The following SRPK2 variants were observed in gnomAD, a reference collection of about 807,000 sequenced individuals.
The protein encoded by SRPK2 is SFRS protein kinase 2.
Under a neutral mutation model 90.8 loss-of-function variants are expected in SRPK2, and 21 were observed. That is an observed-to-expected ratio of 0.23 (90% CI 0.16 to 0.33). SRPK2 has a LOEUF of 0.33. SRPK2 is among the 10% of genes least tolerant of loss of function. The pLI, the probability that SRPK2 is intolerant of heterozygous loss-of-function variation, is 1.00. For synonymous variants in SRPK2, 288 were observed against 311.1 expected (o/e 0.93, Z 0.78); for missense variants, 620 against 869.0 (o/e 0.71, Z 3.60).
At chr7:105,339,592 G>C (rs1383211387) in intron 2 of SRPK2, among the ~76,000 whole-genome samples, 1 of 152,194 alleles carries the variant, frequency 6.6e-6, no homozygotes, top group Non-Finnish European at 1.5e-5. Context: ...CCAAGTATGG[G>C]CCATGAACTC....
At chr7:105,383,443 C>T (rs1358841243) in intron 2 of SRPK2, among the ~76,000 whole-genome samples, 1 of 148,304 alleles carries the variant, frequency 6.7e-6, no homozygotes, top group South Asian at 2.1e-4. Context: ...TTAATTGAGA[C>T]GGAGTGTCGC....
rs559136591 is a variant in SRPK2, at chr7:105,385,163, C to T, written c.71+3485G>A. ...CTGGGATTACAGGCGTGAGCCACCGCGCCCGGCATTTTTTTTTTTTTTTTT... is the reference window on the plus strand; with the variant it reads ...CTGGGATTACAGGCGTGAGCCACCGTGCCCGGCATTTTTTTTTTTTTTTTT... On this transcript the variant is annotated intron_variant, in intron 2 of 15. Coordinates refer to ENST00000393651, the MANE Select transcript of SRPK2 (RefSeq NM_182692.3). Among the ~76,000 whole-genome samples the T allele has an allele frequency of 1.4e-4, 18 of 130,262 alleles. No homozygotes were observed. In the South Asian group the frequency reaches 4.5e-3, roughly 33 times the overall value. 85.5% of individuals were successfully genotyped at this position (130,262 alleles called of 152,430 possible). A position where few individuals can be genotyped will look rare whatever the true frequency, so the allele number is the denominator to read the frequency against.
At chr7:105,296,301 T>TCTAGTATTCA (rs1809808774) in intron 2 of SRPK2, among the ~76,000 whole-genome samples, 1 of 152,224 alleles carries the variant, frequency 6.6e-6, no homozygotes, top group African/African-American at 2.4e-5. Context: ...TCTTTTGATT[T>TCTAGTATTCA]CTAGTATTCA....
intron 2 of SRPK2, among the ~76,000 whole-genome samples, chr7:105,283,311 T>C (rs1807591101): frequency 1.3e-5 from 2 of 152,172 alleles, no homozygotes; most frequent in African/African-American, 4.8e-5. Flanking sequence ...ATAAAACATA[T>C]ATTCTTACTC....
At chr7:105,159,285 A>C (rs2129581580) in intron 7 of SRPK2, among the ~76,000 whole-genome samples, 2 of 151,916 alleles carry the variant, frequency 1.3e-5, no homozygotes, top group Non-Finnish European at 2.9e-5. Context: ...TAGGAGTTTG[A>C]GACCACCCTG....
chr7:105,265,547 C>T (rs534022261), intron 2 of SRPK2, among the ~76,000 whole-genome samples: 5 of 152,230 alleles, frequency 3.3e-5, no homozygotes, highest in Non-Finnish European at 7.4e-5. Context: ...CTCTCCCCCA[C>T]GCACATTACC....
At chr7:105,251,282 G>C (rs1010144800) in intron 2 of SRPK2, among the ~76,000 whole-genome samples, 24 of 152,204 alleles carry the variant, frequency 1.6e-4, no homozygotes, top group Admixed American at 6.5e-4. Flanking sequence ...AGGCACCCAA[G>C]GGTTCCTCTA....
intron 15 of SRPK2, among the ~76,000 whole-genome samples, chr7:105,124,437 T>C (rs1800835749): frequency 6.6e-6 from 1 of 151,982 alleles, no homozygotes; most frequent in East Asian, 1.9e-4. Flanking sequence ...GGTCAGGAGT[T>C]CGAGACCAGC....
At chr7:105,233,524 A>G (rs140230735) in intron 2 of SRPK2, among the ~76,000 whole-genome samples, 70 of 152,344 alleles carry the variant, frequency 4.6e-4, no homozygotes, top group African/African-American at 1.7e-3. Flanking sequence ...GCTCTCAACT[A>G]CTTTTACAAA....
At chr7:105,330,101 G>C (rs973605965) in intron 2 of SRPK2, among the ~76,000 whole-genome samples, 25 of 151,826 alleles carry the variant, frequency 1.6e-4, no homozygotes, top group African/African-American at 5.8e-4. Flanking sequence ...CCAGCACTTT[G>C]GGAGGCCACG....
chr7:105,321,634 G>A (rs758769264), intron 2 of SRPK2, among the ~76,000 whole-genome samples: 14 of 152,040 alleles, frequency 9.2e-5, no homozygotes, highest in South Asian at 6.2e-4. Flanking sequence ...TAAAATGAGC[G>A]AAAGATTTTA....
intron 2 of SRPK2, among the ~76,000 whole-genome samples, chr7:105,343,396 T>G (rs1816055726): frequency 1.3e-5 from 2 of 152,108 alleles, no homozygotes; most frequent in Admixed American, 1.3e-4. Flanking sequence ...GTTTCACCAA[T>G]GTACTCCAGC....
At chr7:105,303,453 A>G (rs188974653) in intron 2 of SRPK2, among the ~76,000 whole-genome samples, 184 of 152,136 alleles carry the variant, frequency 1.2e-3, no homozygotes, top group Middle Eastern at 6.8e-3. Flanking sequence ...CCTAGAACTT[A>G]AAGTATAATT....
At chr7:105,229,340 T>A (rs539574057) in intron 2 of SRPK2, among the ~76,000 whole-genome samples, 1 of 152,046 alleles carries the variant, frequency 6.6e-6, no homozygotes, top group African/African-American at 2.4e-5. Context: ...GGCGGGCGCC[T>A]GTAGTCCCAG....
chr7:105,246,104 A>G (rs1316027095), intron 2 of SRPK2, among the ~76,000 whole-genome samples: 1 of 152,226 alleles, frequency 6.6e-6, no homozygotes, highest in African/African-American at 2.4e-5. Context: ...GAGTAAGATT[A>G]GGGAACTTAA....
rs796867101 is a variant in SRPK2, at chr7:105,334,730, C to A, written c.71+53918G>T. On this transcript the variant is annotated intron_variant, in intron 2 of 15. Transcript: ENST00000393651. ...TGGCACATGCCTGTAATCCCAGCTA[C>A]TCAGGAGGCTGAGGCGGGAGAATCA... 9.8e-3 allele frequency among the ~76,000 whole-genome samples: 1,345 copies of A among 137,802 alleles called. 22 individuals carry two copies. The highest frequency in any genetic ancestry group is 0.034 in the African/African-American group (1,207 of 35,548). 90.4% of individuals were successfully genotyped at this position (137,802 alleles called of 152,430 possible).
intron 2 of SRPK2, among the ~76,000 whole-genome samples, chr7:105,288,006 T>C (rs1808399520): frequency 6.6e-6 from 1 of 152,154 alleles, no homozygotes; most frequent in Non-Finnish European, 1.5e-5. Flanking sequence ...GCCTCCAAAA[T>C]GCCAATTTTC....
intron 2 of SRPK2, among the ~76,000 whole-genome samples, chr7:105,237,310 T>TCC (rs1298953925): frequency 1.3e-5 from 2 of 152,202 alleles, no homozygotes; most frequent in Admixed American, 1.3e-4. Flanking sequence ...ATATTCCTAC[T>TCC]CCCCACTGCA....
chr7:105,349,161 A>AG (rs1195271469), intron 2 of SRPK2, among the ~76,000 whole-genome samples: 5 of 5,006 alleles, frequency 1.0e-3, no homozygotes, highest in African/African-American at 4.0e-3. Context: ...AGAAAGAAAG[A>AG]GGGGGAGGGG....
Sources: allele counts gnomAD v4.1 joint callset (sites outside exome capture counted in the v4.1 genomes callset), GRCh38; gene constraint gnomAD v4.1.1; transcripts MANE v1.5; gene names NCBI Gene and HGNC (gene_info 2026-07-23, HGNC 2026-07-21).